OXCT1: variants seen among roughly 807,000 people sequenced by gnomAD.
The protein encoded by OXCT1 is succinyl-CoA:3-ketoacid coenzyme A transferase 1, mitochondrial.
In OXCT1, 27 loss-of-function variants were observed where a neutral mutation model predicts 69.6. The observed-to-expected ratio is 0.39, with a 90% CI of 0.29 to 0.54. The LOEUF is 0.54. Ranked by LOEUF, OXCT1 falls within the 20% of genes least tolerant of loss-of-function variation. OXCT1 has a pLI of 0.72. For missense variants in OXCT1, 437 were observed against 650.2 expected, an observed-to-expected ratio of 0.67 and a Z score of 3.57; for synonymous variants, 202 against 217.8, an observed-to-expected ratio of 0.93 and a Z score of 0.64.
chr5:41,796,422 C>T (rs1279530786), intron 11 of OXCT1, among the ~76,000 whole-genome samples: 1 of 152,090 alleles, frequency 6.6e-6, no homozygotes, highest in Non-Finnish European at 1.5e-5. Context: ...AACTGTTATT[C>T]CAAAATTGGA....
intron 8 of OXCT1, 113 bp downstream of exon 8, chr5:41,807,218 C>G: frequency 1.4e-6 from 1 of 715,896 alleles, no homozygotes; most frequent in Non-Finnish European, 2.6e-6. Flanking sequence ...TACTAAGATC[C>G]AAGACCAGAC....
At chr5:41,772,420 C>T (rs2112143664) in intron 13 of OXCT1, among the ~76,000 whole-genome samples, 1 of 150,632 alleles carries the variant, frequency 6.6e-6, no homozygotes, top group African/African-American at 2.4e-5. Flanking sequence ...AAATCATTAC[C>T]AGTGTTTTTT....
At chr5:41,773,294 G>T (rs1284161345) in intron 13 of OXCT1, among the ~76,000 whole-genome samples, 1 of 151,926 alleles carries the variant, frequency 6.6e-6, no homozygotes, top group Non-Finnish European at 1.5e-5. Flanking sequence ...ATTGAGAACA[G>T]CTGGGCATGG....
chr5:41,769,384 T>G (rs1184793614), intron 13 of OXCT1, among the ~76,000 whole-genome samples: 1 of 152,010 alleles, frequency 6.6e-6, no homozygotes. Flanking sequence ...ATTTCTCACA[T>G]CTGTTCTGAT....
intron 1 of OXCT1, among the ~76,000 whole-genome samples, chr5:41,869,018 G>C (rs1214407973): frequency 6.6e-6 from 1 of 152,214 alleles, no homozygotes; most frequent in East Asian, 1.9e-4. Context: ...CGGCCCAAGG[G>C]TATCGCTGTG....
chr5:41,835,728 C>T (rs1463399578), intron 7 of OXCT1, among the ~76,000 whole-genome samples: 1 of 152,110 alleles, frequency 6.6e-6, no homozygotes, highest in Non-Finnish European at 1.5e-5. Context: ...TTTGCTGTCT[C>T]GTAAACTAGC....
At chr5:41,775,695 G>A (rs924573143) in intron 13 of OXCT1, among the ~76,000 whole-genome samples, 2 of 152,104 alleles carry the variant, frequency 1.3e-5, no homozygotes, top group African/African-American at 4.8e-5. Context: ...GTCTTGGTCT[G>A]TCTGGCAAAC....
intron 8 of OXCT1, 148 bp from the exon 9 acceptor site, chr5:41,805,829 T>A (rs1746652959): frequency 3.0e-6 from 2 of 658,756 alleles, no homozygotes; most frequent in Admixed American, 2.3e-5. Context: ...TAAAAAATAC[T>A]ATGGGTGATA....
chr5:41,741,491 A>G (rs1422460307), intron 15 of OXCT1, among the ~76,000 whole-genome samples: 4 of 152,220 alleles, frequency 2.6e-5, no homozygotes, highest in African/African-American at 9.6e-5. Context: ...CAGGACAAAT[A>G]TAAGAAAACA....
intron 5 of OXCT1, among the ~76,000 whole-genome samples, chr5:41,848,088 G>C (rs1469695447): frequency 6.9e-6 from 1 of 144,412 alleles, no homozygotes; most frequent in Non-Finnish European, 1.5e-5. Context: ...AAAGTCTCAG[G>C]ATACAAAATC....
intron 1 of OXCT1, among the ~76,000 whole-genome samples, chr5:41,865,484 G>GT (rs1381248429): frequency 6.6e-6 from 1 of 152,112 alleles, no homozygotes; most frequent in Non-Finnish European, 1.5e-5. Context: ...GCAGGTACTT[G>GT]TTTTTTTCAT....
chr5:41,805,556 A>T lies in OXCT1; in HGVS notation c.955+11T>A. ...TATGTCTTTGCCCGGGCTCAGAAGG[A>T]TAAAGGATACCATACATGCCATCCT... On this transcript the variant is annotated intron_variant, in intron 9 of 16. Coordinates refer to ENST00000196371, the MANE Select transcript of OXCT1 (RefSeq NM_000436.4). 6.3e-7 allele frequency: 1 copy of T among 1,576,354 alleles called. No individual in the cohort carries two copies. Among genetic ancestry groups the T allele is most frequent in the South Asian group, 1.1e-5 (1 of 90,330 alleles).
At position 41,804,265 on chromosome 5, in the gene OXCT1, G is replaced by A. The variant is rs563027457; in HGVS notation, c.956-1102C>T. Among the ~76,000 whole-genome samples the A allele has an allele frequency of 1.4e-4, 21 of 152,142 alleles. 1 individual carries two copies. In the South Asian group the frequency reaches 4.1e-3, roughly 30 times the overall value. On this transcript the variant is annotated intron_variant, in intron 9 of 16. Transcript: ENST00000196371. ...AGGATACTAATTCCATTATGAGCAG[G>A]TGTTTTTAGGACAGAGCAACCCAAA...
chr5:41,765,563 G>A (rs1254073814), intron 13 of OXCT1, among the ~76,000 whole-genome samples: 1 of 152,160 alleles, frequency 6.6e-6, no homozygotes, highest in Admixed American at 6.5e-5. Context: ...ATGGAAGGGT[G>A]AGAATTCAGT....
chr5:41,862,701 T>C lies in OXCT1; in HGVS notation c.128A>G (p.Tyr43Cys). 1 of 1,613,226 alleles carries C rather than the reference T, an allele frequency of 6.2e-7. No individual in the cohort carries two copies. Among genetic ancestry groups the C allele is most frequent in the African/African-American group, 1.3e-5 (1 of 74,852 alleles). Residue 43 changes from tyrosine to cysteine, a missense_variant, in exon 2 of 17, where the codon TAT becomes TGT. This residue lies in a region of OXCT1 where 79 missense variants were observed against 61.5 expected (regional missense o/e 1.28). Transcript: ENST00000196371. ...TTTTACAGCTTCTACTGGATCTGTA[T>C]AAAACTTGGTATGGCGATGAGCACT... ...STSAHRHTKFYTDPVEAVKDI... is the reference protein window; with the variant it reads ...STSAHRHTKFCTDPVEAVKDI...
chr5:41,760,340 C>T (rs1450586305), intron 14 of OXCT1, among the ~76,000 whole-genome samples: 1 of 151,964 alleles, frequency 6.6e-6, no homozygotes, highest in African/African-American at 2.4e-5. Flanking sequence ...CGGAAAAATA[C>T]CTCATTCCAA....
At chr5:41,799,288 C>G (rs766344523) in intron 11 of OXCT1, among the ~76,000 whole-genome samples, 1 of 152,120 alleles carries the variant, frequency 6.6e-6, no homozygotes, top group Non-Finnish European at 1.5e-5. Flanking sequence ...GGCTCTCCAG[C>G]TTAAAGTATT....
At chr5:41,767,720 GTGTATATATATATATATATATA>G (rs1204058338) in intron 13 of OXCT1, among the ~76,000 whole-genome samples, 2 of 78,382 alleles carry the variant, frequency 2.6e-5, no homozygotes, top group African/African-American at 1.2e-4. Context: ...ATATATGTGT[GTGTATATATATATATATATATA>G]TATATATATA....
chr5:41,852,670 T>C (rs905932228), intron 4 of OXCT1, among the ~76,000 whole-genome samples: 1 of 152,218 alleles, frequency 6.6e-6, no homozygotes, highest in Non-Finnish European at 1.5e-5. Flanking sequence ...CCTGGGAATC[T>C]AGGTTCTGAT....
Sources: gnomAD v4.1 joint callset for allele counts (sites outside exome capture counted in the v4.1 genomes callset) on GRCh38, gnomAD v4.1.1 for gene constraint, gnomAD v4.1.1 regional missense constraint, MANE v1.5 for transcripts, NCBI Gene and HGNC (gene_info 2026-07-23, HGNC 2026-07-21) for gene names.